The following KHDRBS2 variants were observed in gnomAD, a reference collection of about 807,000 sequenced individuals.
KHDRBS2 encodes the protein KH domain-containing, RNA-binding, signal transduction-associated protein 2.
In KHDRBS2, 26 loss-of-function variants were observed where a neutral mutation model predicts 44.3. That is an observed-to-expected ratio of 0.59 (90% CI 0.43 to 0.81). The LOEUF (loss-of-function observed/expected upper bound fraction) is 0.81, where lower values mean the gene tolerates loss of function less well. Ranked by LOEUF, KHDRBS2 falls within the 40% of genes least tolerant of loss-of-function variation. KHDRBS2 has a pLI of 0.00. For synonymous variants in KHDRBS2, 194 were observed against 151.1 expected, an observed-to-expected ratio of 1.28 and a Z score of -2.08; for missense variants, 476 against 433.1, an observed-to-expected ratio of 1.10 and a Z score of -0.88.
chr6:61,751,867 A>T (rs988870380), intron 6 of KHDRBS2, among the ~76,000 whole-genome samples: 3 of 150,540 alleles, frequency 2.0e-5, no homozygotes. Flanking sequence ...TTCTTCTGAG[A>T]CCTCTCTCCT....
chr6:62,098,196 A>T (rs1801056022), intron 2 of KHDRBS2, among the ~76,000 whole-genome samples: 1 of 150,984 alleles, frequency 6.6e-6, no homozygotes, highest in Non-Finnish European at 1.5e-5. Flanking sequence ...GAGTATTATG[A>T]ATTTGTTCAT....
intron 8 of KHDRBS2, among the ~76,000 whole-genome samples, chr6:61,690,190 G>T (rs779911989): frequency 5.3e-5 from 8 of 151,620 alleles, no homozygotes; most frequent in Non-Finnish European, 1.2e-4. Context: ...CATATCCCTG[G>T]ATATATTTTT....
At chr6:61,559,303 T>A in the KHDRBS2 span, among the ~76,000 whole-genome samples, 643 of 152,114 alleles carry the variant, frequency 4.2e-3, 5 homozygotes, top group African/African-American at 0.015. Flanking sequence ...TGTATGCATA[T>A]TTTTATATGT....
chr6:61,853,124 G>A (rs1312868445), intron 6 of KHDRBS2, among the ~76,000 whole-genome samples: 1 of 152,016 alleles, frequency 6.6e-6, no homozygotes. Flanking sequence ...TTGGCATCTG[G>A]TACCAATATT....
At chr6:61,772,611 A>T (rs1781136278) in intron 6 of KHDRBS2, among the ~76,000 whole-genome samples, 1 of 151,998 alleles carries the variant, frequency 6.6e-6, no homozygotes, top group Non-Finnish European at 1.5e-5. Context: ...AGACTAAACC[A>T]GGAAGAAGTT....
chr6:62,181,273 T>G (rs1406483297), intron 1 of KHDRBS2, among the ~76,000 whole-genome samples: 1 of 151,936 alleles, frequency 6.6e-6, no homozygotes, highest in African/African-American at 2.4e-5. Flanking sequence ...CAGAATGGAA[T>G]GAAATATTTG....
intron 3 of KHDRBS2, among the ~76,000 whole-genome samples, chr6:62,039,036 G>A: frequency 6.6e-6 from 1 of 151,890 alleles, no homozygotes. Context: ...GTGGGTCTTG[G>A]CTTTGGTTAC....
chr6:61,651,062 T>G, the KHDRBS2 span, among the ~76,000 whole-genome samples: 1 of 152,026 alleles, frequency 6.6e-6, no homozygotes, highest in South Asian at 2.1e-4. Flanking sequence ...TGTCTTAATG[T>G]GGAGATGGTG....
chr6:61,941,673 A>G (rs1442855533), intron 4 of KHDRBS2, among the ~76,000 whole-genome samples: 1 of 152,132 alleles, frequency 6.6e-6, no homozygotes, highest in Non-Finnish European at 1.5e-5. Context: ...AGCTGAAGGA[A>G]TGATACAGAG....
intron 4 of KHDRBS2, among the ~76,000 whole-genome samples, chr6:61,914,671 T>A (rs1462397268): frequency 6.6e-6 from 1 of 152,126 alleles, no homozygotes; most frequent in Non-Finnish European, 1.5e-5. Context: ...TAATACTTTT[T>A]AAAAAGCATT....
chr6:61,700,069 A>T (rs1768406104), intron 7 of KHDRBS2, among the ~76,000 whole-genome samples: 1 of 151,922 alleles, frequency 6.6e-6, no homozygotes, highest in African/African-American at 2.4e-5. Context: ...TTAAATGATT[A>T]AGAGGTGGAC....
At chr6:61,863,982 C>T (rs996817066) in intron 6 of KHDRBS2, among the ~76,000 whole-genome samples, 12 of 152,056 alleles carry the variant, frequency 7.9e-5, no homozygotes, top group African/African-American at 2.4e-4. Flanking sequence ...TGGGTGAGTG[C>T]ATATATATTT....
the KHDRBS2 span, among the ~76,000 whole-genome samples, chr6:61,663,331 C>T: frequency 2.0e-5 from 3 of 147,314 alleles, no homozygotes; most frequent in Non-Finnish European, 4.5e-5. Flanking sequence ...AGCACACCAA[C>T]ATGGCACATG....
intron 4 of KHDRBS2, among the ~76,000 whole-genome samples, chr6:61,908,458 C>T (rs752504553): frequency 4.0e-5 from 6 of 151,598 alleles, no homozygotes; most frequent in Admixed American, 2.0e-4. Flanking sequence ...TACGGTGAAA[C>T]GCAGTCTCTA....
At chr6:61,559,619 T>C in the KHDRBS2 span, among the ~76,000 whole-genome samples, 1 of 152,180 alleles carries the variant, frequency 6.6e-6, no homozygotes, top group Non-Finnish European at 1.5e-5. Flanking sequence ...TTGCAAATAA[T>C]ATTTTATAAC....
intron 2 of KHDRBS2, among the ~76,000 whole-genome samples, chr6:62,070,417 C>A (rs182983359): frequency 7.8e-4 from 119 of 151,738 alleles, no homozygotes; most frequent in African/African-American, 2.9e-3. Context: ...TATACATGTG[C>A]CATGTTGGTG....
At chr6:61,984,478 T>G (rs560264509) in intron 3 of KHDRBS2, among the ~76,000 whole-genome samples, 94 of 152,256 alleles carry the variant, frequency 6.2e-4, no homozygotes, top group African/African-American at 1.9e-3. Flanking sequence ...AAAAATACGT[T>G]CTGAACATCC....
In KHDRBS2 at chr6:61,749,162, G is replaced by T. The variant is rs374756330; in HGVS notation, c.811-16398C>A. ...CGAGTAGCTGGGACTACAGGCGCCC[G>T]CCACCATGCCCGGCTAATTTTTTTG... On this transcript the variant is annotated intron_variant, in intron 6 of 8. Coordinates refer to ENST00000281156, the MANE Select transcript of KHDRBS2 (RefSeq NM_152688.4). 2.0e-5 allele frequency among the ~76,000 whole-genome samples: 3 copies of T among 151,534 alleles called. No individual in the cohort carries two copies. The East Asian group carries it at 5.8e-4, about 29-fold the overall frequency.
intron 2 of KHDRBS2, among the ~76,000 whole-genome samples, chr6:62,106,510 A>C (rs1230440250): frequency 6.6e-6 from 1 of 152,060 alleles, no homozygotes; most frequent in East Asian, 1.9e-4. Flanking sequence ...TTCTTGGTGA[A>C]TTGATCCCTT....
Sources: gnomAD v4.1 joint callset for allele counts (sites outside exome capture counted in the v4.1 genomes callset) on GRCh38, gnomAD v4.1.1 for gene constraint, MANE v1.5 for transcripts, NCBI Gene and HGNC (gene_info 2026-07-23, HGNC 2026-07-21) for gene names.